Variants in AFF3 observed in about 807,000 individuals in gnomAD.
AFF3 encodes ALF transcription elongation factor 3, also known as AF4/FMR2 family member 3.
Under a neutral mutation model 129.7 loss-of-function variants are expected in AFF3, and 32 were observed. The observed-to-expected ratio is 0.25, with a 90% CI of 0.19 to 0.33. The LOEUF (loss-of-function observed/expected upper bound fraction) is 0.33, where lower values mean the gene tolerates loss of function less well. AFF3 is among the 10% of genes least tolerant of loss of function. The pLI, the probability that AFF3 is intolerant of heterozygous loss-of-function variation, is 1.00. For synonymous variants in AFF3, 644 were observed against 635.4 expected (o/e 1.01, Z -0.20); for missense variants, 1,373 against 1,592.0 (o/e 0.86, Z 2.34).
At chr2:99,780,903 C>G (rs1469570353) in intron 8 of AFF3, among the ~76,000 whole-genome samples, 1 of 152,152 alleles carries the variant, frequency 6.6e-6, no homozygotes, top group Non-Finnish European at 1.5e-5. Flanking sequence ...TGCTTCCACC[C>G]TTGTTCCCTG....
intron 8 of AFF3, among the ~76,000 whole-genome samples, chr2:99,833,408 C>G (rs1367539559): frequency 6.6e-6 from 1 of 152,086 alleles, no homozygotes; most frequent in African/African-American, 2.4e-5. Context: ...TGTAAATATT[C>G]CTTAAGAATA....
intron 8 of AFF3, among the ~76,000 whole-genome samples, chr2:99,812,099 G>A (rs1035480337): frequency 2.0e-5 from 3 of 152,208 alleles, no homozygotes; most frequent in Admixed American, 2.0e-4. Flanking sequence ...TGTGGGCAAT[G>A]ATTCTTGTGC....
chr2:99,852,723 G>A (rs1454759212), intron 7 of AFF3, among the ~76,000 whole-genome samples: 2 of 152,176 alleles, frequency 1.3e-5, no homozygotes, highest in African/African-American at 2.4e-5. Context: ...AAAGTAAATA[G>A]TGTGATGTAA....
At chr2:99,667,177 T>C (rs1686746631) in intron 12 of AFF3, among the ~76,000 whole-genome samples, 1 of 152,170 alleles carries the variant, frequency 6.6e-6, no homozygotes, top group Non-Finnish European at 1.5e-5. Flanking sequence ...ATTGAAGTCA[T>C]ACAGACTATG....
At chr2:99,641,664 C>G (rs904045428) in intron 13 of AFF3, among the ~76,000 whole-genome samples, 2 of 152,118 alleles carry the variant, frequency 1.3e-5, no homozygotes, top group African/African-American at 4.8e-5. Context: ...GGCAACAGAG[C>G]AAGACTCTGT....
chr2:100,127,234 A>G (rs978377363), intron 2 of AFF3, among the ~76,000 whole-genome samples: 1 of 152,100 alleles, frequency 6.6e-6, no homozygotes, highest in Non-Finnish European at 1.5e-5. Context: ...TACGGACTGC[A>G]TTTGTCTCAT....
In AFF3 at chr2:100,007,249, G is replaced by A. The variant is rs1175707423; in HGVS notation, c.386C>T (p.Thr129Ile). 2.0e-5 allele frequency: 32 copies of A among 1,614,124 alleles called. No homozygotes were observed. The highest frequency in any genetic ancestry group is 2.7e-5 in the Non-Finnish European group (32 of 1,180,030). The stretch of plus-strand genomic sequence containing the variant: ...GGGGACAGCTGCTGGTGTGGAAGTT[G>A]TAGTGCTACAGATAGACGAGGGCTG... ...QNQPSSICST[T>I]TSTPAAVPVQ... is the part of the protein sequence containing the mutation. The change falls in exon 6 of 25, where the codon ACA becomes ATA. Residue 129 changes from threonine (T) to isoleucine (I), a missense_variant. This residue lies in a region of AFF3 where 255 missense variants were observed against 256.0 expected (regional missense o/e 1.00). Transcript: ENST00000672756.
intron 13 of AFF3, among the ~76,000 whole-genome samples, chr2:99,635,830 A>G (rs1253384567): frequency 6.6e-6 from 1 of 152,046 alleles, no homozygotes; most frequent in Admixed American, 6.5e-5. Flanking sequence ...CTGTCTGGGG[A>G]TGAAATGGGA....
chr2:99,593,235 G>A lies in AFF3; in HGVS notation c.2426C>T (p.Pro809Leu), dbSNP rs1482804641. 3 of 1,604,740 alleles carry A rather than the reference G, an allele frequency of 1.9e-6. No individual in the cohort carries two copies. Among genetic ancestry groups the A allele is most frequent in the Non-Finnish European group, 8.5e-7 (1 of 1,173,484 alleles). The change falls in exon 15 of 25, where the codon CCT becomes CTT. Residue 809 changes from proline (P) to leucine (L), a missense_variant. Physicochemically the swap from Pro to Leu is moderately conservative, Grantham distance 98. This residue lies in a region of AFF3 where 466 missense variants were observed against 505.0 expected (regional missense o/e 0.92). Coordinates refer to ENST00000672756, the MANE Select transcript of AFF3 (RefSeq NM_001386135.1). ...GGATTTTGGCAAAGCCTTTTCTGCAGGTGTGTCCGAGGTGTGGCTGGGCGG... is the reference window on the plus strand; with the variant it reads ...GGATTTTGGCAAAGCCTTTTCTGCAAGTGTGTCCGAGGTGTGGCTGGGCGG... ...SAPPSHTSDT[P>L]AEKALPKSKR...
At chr2:100,126,097 T>C (rs561674986) in intron 2 of AFF3, among the ~76,000 whole-genome samples, 1 of 152,312 alleles carries the variant, frequency 6.6e-6, no homozygotes, top group South Asian at 2.1e-4. Context: ...AAATAGAGCG[T>C]GGCCAACTTC....
At chr2:99,789,629 GCCT>G (rs1685057909) in intron 8 of AFF3, among the ~76,000 whole-genome samples, 1 of 152,022 alleles carries the variant, frequency 6.6e-6, no homozygotes, top group African/African-American at 2.4e-5. Flanking sequence ...TGGCAGCCCA[GCCT>G]CTTCCTGCCT....
intron 4 of AFF3, among the ~76,000 whole-genome samples, chr2:100,072,721 G>A (rs1245770155): frequency 6.6e-6 from 1 of 152,184 alleles, no homozygotes; most frequent in Non-Finnish European, 1.5e-5. Flanking sequence ...CAGGATTAAT[G>A]CCATGAATGC....
At chr2:100,020,872 C>T (rs115520711) in intron 4 of AFF3, among the ~76,000 whole-genome samples, 1 of 152,194 alleles carries the variant, frequency 6.6e-6, no homozygotes, top group South Asian at 2.1e-4. Flanking sequence ...CCCAATCGTT[C>T]CTCCCCCGTC....
intron 8 of AFF3, among the ~76,000 whole-genome samples, chr2:99,753,495 C>T (rs996056457): frequency 3.3e-5 from 5 of 152,098 alleles, no homozygotes; most frequent in Non-Finnish European, 7.4e-5. Context: ...TTCTCTCGCT[C>T]GAGGTGAGGA....
intron 13 of AFF3, among the ~76,000 whole-genome samples, chr2:99,638,545 CT>C (rs1328622303): frequency 1.8e-4 from 27 of 152,098 alleles, no homozygotes; most frequent in African/African-American, 6.5e-4. Flanking sequence ...GTGGGTGGGG[CT>C]GTGCCCAGCT....
At chr2:99,561,744 A>G (rs1042625749) in intron 20 of AFF3, among the ~76,000 whole-genome samples, 1 of 152,148 alleles carries the variant, frequency 6.6e-6, no homozygotes, top group African/African-American at 2.4e-5. Flanking sequence ...AGTTTATTGT[A>G]TATATATCTA....
At chr2:99,864,157 T>C (rs938829533) in intron 7 of AFF3, among the ~76,000 whole-genome samples, 2 of 152,216 alleles carry the variant, frequency 1.3e-5, no homozygotes, top group African/African-American at 4.8e-5. Context: ...CCCGTGCTTA[T>C]GTGATCCAAG....
At chr2:99,788,249 AG>A (rs1289187928) in intron 8 of AFF3, among the ~76,000 whole-genome samples, 4 of 152,184 alleles carry the variant, frequency 2.6e-5, no homozygotes, top group Non-Finnish European at 5.9e-5. Context: ...ATTAAAAAAA[AG>A]TTAACTGTAA....
intron 4 of AFF3, among the ~76,000 whole-genome samples, chr2:100,082,386 G>T (rs1200689734): frequency 6.6e-6 from 1 of 151,506 alleles, no homozygotes. Flanking sequence ...TCTAACTCTG[G>T]CTTTATCACA....
Sources: gnomAD v4.1 joint callset for allele counts (sites outside exome capture counted in the v4.1 genomes callset) on GRCh38, gnomAD v4.1.1 for gene constraint, gnomAD v4.1.1 regional missense constraint, MANE v1.5 for transcripts, NCBI Gene and HGNC (gene_info 2026-07-23, HGNC 2026-07-21) for gene names.